Variants in OSBPL1A observed in about 807,000 individuals in gnomAD.
OSBPL1A encodes oxysterol binding protein like 1A.
In OSBPL1A, 80 loss-of-function variants were observed where a neutral mutation model predicts 137.1. The observed-to-expected ratio is 0.58, with a 90% CI of 0.49 to 0.70. OSBPL1A has a LOEUF of 0.70. OSBPL1A is among the 30% of genes least tolerant of loss of function. The pLI is 0.00. For missense variants in OSBPL1A, 970 were observed against 1,129.4 expected (o/e 0.86, Z 2.02); for synonymous variants, 365 against 389.7 (o/e 0.94, Z 0.75).
At chr18:24,179,989 G>T (rs1017435205) in intron 19 of OSBPL1A, among the ~76,000 whole-genome samples, 154 bp from the exon 20 acceptor site, 2 of 152,152 alleles carry the variant, frequency 1.3e-5, no homozygotes, top group Non-Finnish European at 2.9e-5. Flanking sequence ...AGTGGGACAT[G>T]GAAACTTGGA....
chr18:24,170,796 G>A (rs532165877), intron 23 of OSBPL1A, among the ~76,000 whole-genome samples: 7 of 152,170 alleles, frequency 4.6e-5, no homozygotes, highest in African/African-American at 1.4e-4. Flanking sequence ...ACAGGCATGC[G>A]CCACTACGCC....
Position 24,165,049 on chromosome 18 carries a change from T to TG in OSBPL1A, c.2750+15dup, listed in dbSNP as rs2086114398. 1 of 1,613,854 alleles carries TG rather than the reference T, an allele frequency of 6.2e-7. No homozygotes were observed. Among genetic ancestry groups the TG allele is most frequent in the Admixed American group, 1.7e-5 (1 of 60,006 alleles). The stretch of plus-strand genomic sequence containing the variant: ...TGCCTGAGGGCTCAGCCACACCCCC[T>TG]GACTCAGGCACGCACCTCGTCTTCC... On this transcript the variant is annotated intron_variant, in intron 27 of 27. Coordinates refer to ENST00000319481, the MANE Select transcript of OSBPL1A (RefSeq NM_080597.4).
At chr18:24,341,012 C>T (rs377458425) in intron 5 of OSBPL1A, among the ~76,000 whole-genome samples, 2 of 152,072 alleles carry the variant, frequency 1.3e-5, no homozygotes, top group South Asian at 2.1e-4. Context: ...ACAAACTTTT[C>T]GGCTGGGGGG....
chr18:24,354,685 C>G (rs189631025), intron 4 of OSBPL1A, among the ~76,000 whole-genome samples: 1 of 140,224 alleles, frequency 7.1e-6, no homozygotes, highest in Admixed American at 7.8e-5. Flanking sequence ...AGAAACAGAA[C>G]TGAGCACCCA....
chr18:24,339,940 A>C (rs2091245690), intron 5 of OSBPL1A, among the ~76,000 whole-genome samples: 1 of 152,200 alleles, frequency 6.6e-6, no homozygotes, highest in African/African-American at 2.4e-5. Flanking sequence ...AATCGGGGTA[A>C]TAAACAGCAG....
At chr18:24,332,807 G>T in intron 7 of OSBPL1A, 135 bp downstream of exon 7, 1 of 1,043,888 alleles carries the variant, frequency 9.6e-7, no homozygotes, top group Non-Finnish European at 1.4e-6. Context: ...TTGTGTGAAT[G>T]CCTTGGCTCC....
chr18:24,264,324 C>T (rs975479988), intron 15 of OSBPL1A, among the ~76,000 whole-genome samples: 1 of 151,888 alleles, frequency 6.6e-6, no homozygotes, highest in Non-Finnish European at 1.5e-5. Flanking sequence ...AATTTCTCAT[C>T]CAGGATTATA....
intron 25 of OSBPL1A, 75 bp from the exon 26 acceptor site, chr18:24,166,777 A>G: frequency 1.4e-6 from 2 of 1,457,384 alleles, no homozygotes; most frequent in South Asian, 2.6e-5. Context: ...AAAGTAGAAG[A>G]GGGTTGACTT....
chr18:24,256,864 C>T (rs2089289313), intron 15 of OSBPL1A, among the ~76,000 whole-genome samples: 1 of 144,468 alleles, frequency 6.9e-6, no homozygotes, highest in Admixed American at 7.1e-5. Flanking sequence ...TTACAATAGC[C>T]ACACATAAAA....
chr18:24,361,582 T>C (rs2091621510), intron 4 of OSBPL1A, among the ~76,000 whole-genome samples: 1 of 152,180 alleles, frequency 6.6e-6, no homozygotes, highest in Non-Finnish European at 1.5e-5. Flanking sequence ...GAGCTGAACA[T>C]AGATAAATGA....
At chr18:24,237,515 G>C (rs542782846) in intron 16 of OSBPL1A, among the ~76,000 whole-genome samples, 226 of 152,252 alleles carry the variant, frequency 1.5e-3, no homozygotes, top group African/African-American at 5.2e-3. Context: ...ATGTTGCCCA[G>C]GCTGGTCTCG....
intron 18 of OSBPL1A, among the ~76,000 whole-genome samples, chr18:24,190,518 T>C (rs2086862934): frequency 6.6e-6 from 1 of 152,148 alleles, no homozygotes; most frequent in Non-Finnish European, 1.5e-5. Flanking sequence ...TAACTTACAT[T>C]AGGGCTCCTT....
At chr18:24,200,749 A>G in intron 17 of OSBPL1A, among the ~76,000 whole-genome samples, 1 of 152,128 alleles carries the variant, frequency 6.6e-6, no homozygotes, top group Non-Finnish European at 1.5e-5. Context: ...TTATGACTCT[A>G]AAGTCAAGAA....
chr18:24,302,904 G>C (rs932371465), intron 14 of OSBPL1A, among the ~76,000 whole-genome samples: 1 of 152,228 alleles, frequency 6.6e-6, no homozygotes, highest in African/African-American at 2.4e-5. Context: ...ACTGAAGCTC[G>C]CAAGAGTTAA....
intron 15 of OSBPL1A, among the ~76,000 whole-genome samples, chr18:24,256,964 C>CAAAAAAAAAAAAAAAAAAA (rs201880387): frequency 3.4e-5 from 1 of 29,498 alleles, no homozygotes; most frequent in African/African-American, 9.9e-5. Context: ...GAAGAGGATG[C>CAAAAAAAAAAAAAAAAAAA]AAAAAAAAAA....
At chr18:24,173,773 G>C (rs1049259321) in intron 21 of OSBPL1A, among the ~76,000 whole-genome samples, 1 of 152,028 alleles carries the variant, frequency 6.6e-6, no homozygotes, top group Non-Finnish European at 1.5e-5. Flanking sequence ...CATTTTTGTT[G>C]GTACTCAGGT....
At chr18:24,175,110 A>ATATATATATATG (rs1356311621) in intron 21 of OSBPL1A, among the ~76,000 whole-genome samples, 353 of 14,784 alleles carry the variant, frequency 0.024, 12 homozygotes, top group African/African-American at 0.031. Context: ...ATGTGTATGT[A>ATATATATATATG]TATATATATA....
chr18:24,362,910 T>G (rs945089420), intron 4 of OSBPL1A, among the ~76,000 whole-genome samples: 1 of 152,340 alleles, frequency 6.6e-6, no homozygotes, highest in South Asian at 2.1e-4. Flanking sequence ...GGAAGAACAC[T>G]GGGAGTCTTT....
intron 18 of OSBPL1A, among the ~76,000 whole-genome samples, chr18:24,195,770 T>C (rs2145944351): frequency 6.6e-6 from 1 of 152,304 alleles, no homozygotes. Context: ...GAAAACTTGC[T>C]CTGTGCACAG....
Sources: allele counts gnomAD v4.1 joint callset (sites outside exome capture counted in the v4.1 genomes callset), GRCh38; gene constraint gnomAD v4.1.1; transcripts MANE v1.5; gene names NCBI Gene and HGNC (gene_info 2026-07-23, HGNC 2026-07-21).